THSD7B: variants seen among roughly 807,000 people sequenced by gnomAD.
THSD7B encodes the protein thrombospondin type-1 domain-containing protein 7B.
A neutral mutation model predicts 213.6 loss-of-function variants in THSD7B; 138 were observed. The ratio of observed to expected loss-of-function variants is 0.65; its 90% CI spans 0.56 to 0.74. The LOEUF (loss-of-function observed/expected upper bound fraction) is 0.74, where lower values mean the gene tolerates loss of function less well. Ranked by LOEUF, THSD7B falls within the 30% of genes least tolerant of loss-of-function variation. The probability of loss-of-function intolerance (pLI) is 0.00; values close to 1 mark genes in which losing one functional copy is unlikely to be tolerated. For missense variants in THSD7B, 1,931 were observed against 1,991.5 expected, an observed-to-expected ratio of 0.97 and a Z score of 0.58; for synonymous variants, 742 against 687.0, an observed-to-expected ratio of 1.08 and a Z score of -1.25.
At chr2:136,807,972 G>A (rs1420452977) in intron 1 of THSD7B, among the ~76,000 whole-genome samples, 1 of 152,184 alleles carries the variant, frequency 6.6e-6, no homozygotes, top group Non-Finnish European at 1.5e-5. Flanking sequence ...TAGTGGATAA[G>A]AGCTAGGACA....
intron 25 of THSD7B, among the ~76,000 whole-genome samples, chr2:137,660,176 G>A (rs1217063019): frequency 1.3e-5 from 2 of 151,582 alleles, no homozygotes; most frequent in East Asian, 3.9e-4. Context: ...CTGAATATGT[G>A]ACTATGGTTG....
chr2:137,649,047 A>G (rs1324053497), intron 21 of THSD7B, among the ~76,000 whole-genome samples: 1 of 152,034 alleles, frequency 6.6e-6, no homozygotes, highest in Non-Finnish European at 1.5e-5. Flanking sequence ...TTCATATGGC[A>G]GTTGGCTATT....
At chr2:137,315,897 TGTTA>T (rs1209819361) in intron 12 of THSD7B, among the ~76,000 whole-genome samples, 1 of 152,238 alleles carries the variant, frequency 6.6e-6, no homozygotes, top group Non-Finnish European at 1.5e-5. Context: ...GCTTTAATAT[TGTTA>T]GTTTGATGAT....
chr2:137,295,922 T>C (rs1222686400), intron 12 of THSD7B, among the ~76,000 whole-genome samples: 1 of 152,150 alleles, frequency 6.6e-6, no homozygotes, highest in Non-Finnish European at 1.5e-5. Flanking sequence ...TGCAAATCCA[T>C]ATCCTGTATG....
intron 2 of THSD7B, among the ~76,000 whole-genome samples, chr2:136,904,554 A>G (rs966863740): frequency 9.7e-5 from 14 of 143,830 alleles, no homozygotes; most frequent in African/African-American, 3.2e-4. Flanking sequence ...GTTCACCAGG[A>G]TTGGAAACAA....
intron 5 of THSD7B, among the ~76,000 whole-genome samples, chr2:137,116,890 G>A (rs569932806): frequency 7.2e-4 from 109 of 152,248 alleles, no homozygotes; most frequent in African/African-American, 2.6e-3. Flanking sequence ...CTAAAGAGGA[G>A]GAAAATGTCT....
rs59274578 is a variant in THSD7B at position 136,884,921 on chromosome 2, A to T, written c.139+2604A>T. ...ATTATTTTAAAGGTAAGCAATAATA[A>T]ATTGATTTAAGGAGTTATATCCCTA... On this transcript the variant is annotated intron_variant, in intron 2 of 27. Coordinates refer to ENST00000409968, the MANE Select transcript of THSD7B (RefSeq NM_001316349.2). Among the ~76,000 whole-genome samples, 1,445 of 152,266 alleles carry T rather than the reference A, an allele frequency of 9.5e-3. 32 individuals carry two copies. Among genetic ancestry groups the T allele is most frequent in the African/African-American group, 0.034 (1,393 of 41,548 alleles).
At chr2:136,830,551 AT>A (rs1242440571) in intron 1 of THSD7B, among the ~76,000 whole-genome samples, 3 of 152,116 alleles carry the variant, frequency 2.0e-5, no homozygotes, top group Admixed American at 1.3e-4. Flanking sequence ...TTGGAAATAG[AT>A]TTTCATGGGG....
At chr2:137,191,608 A>G (rs1464073951) in intron 7 of THSD7B, among the ~76,000 whole-genome samples, 2 of 152,012 alleles carry the variant, frequency 1.3e-5, no homozygotes, top group East Asian at 1.9e-4. Flanking sequence ...ACACTATTCC[A>G]TCAACCTGGA....
At chr2:137,235,853 A>G (rs145158769) in intron 9 of THSD7B, among the ~76,000 whole-genome samples, 1 of 152,200 alleles carries the variant, frequency 6.6e-6, no homozygotes. Context: ...AAGCATTGCT[A>G]ATGACTTTCT....
intron 20 of THSD7B, 63 bp downstream of exon 20, chr2:137,620,789 A>C: frequency 7.3e-7 from 1 of 1,363,644 alleles, no homozygotes; most frequent in Non-Finnish European, 1.0e-6. Flanking sequence ...TCAGTATGCC[A>C]TAGCTTGATA....
chr2:137,474,369 C>G (rs1212582091), intron 15 of THSD7B, among the ~76,000 whole-genome samples: 2 of 152,148 alleles, frequency 1.3e-5, no homozygotes, highest in Non-Finnish European at 1.5e-5. Context: ...TTGTCAAAGT[C>G]CACTCCCTTT....
chr2:136,916,426 C>T (rs1243744376), intron 2 of THSD7B, among the ~76,000 whole-genome samples: 1 of 152,202 alleles, frequency 6.6e-6, no homozygotes, highest in Non-Finnish European at 1.5e-5. Flanking sequence ...TGTGCATTCA[C>T]TCATTTCCTT....
intron 1 of THSD7B, among the ~76,000 whole-genome samples, chr2:136,866,224 A>G (rs928465016): frequency 4.6e-5 from 7 of 151,978 alleles, no homozygotes; most frequent in African/African-American, 1.5e-4. Context: ...GTTTGTCCTA[A>G]TGTATTTAGA....
At chr2:137,464,024 A>G (rs1412717262) in intron 15 of THSD7B, among the ~76,000 whole-genome samples, 1 of 151,990 alleles carries the variant, frequency 6.6e-6, no homozygotes, top group Admixed American at 6.6e-5. Context: ...ATCAGGGTTG[A>G]TGGCTCCTAT....
intron 2 of THSD7B, among the ~76,000 whole-genome samples, chr2:136,931,001 C>T (rs1402175563): frequency 1.3e-5 from 2 of 152,054 alleles, no homozygotes; most frequent in Admixed American, 6.6e-5. Context: ...AGTGCTTTCC[C>T]AGAACTTTTT....
At chr2:137,470,910 C>CTTTTTTTTTTTTTTTTTTTTTTTTTTTT (rs70978226) in intron 15 of THSD7B, among the ~76,000 whole-genome samples, 1 of 119,822 alleles carries the variant, frequency 8.3e-6, no homozygotes, top group Non-Finnish European at 1.7e-5. Flanking sequence ...TTTTTCTTTA[C>CTTTTTTTTTTTTTTTTTTTTTTTTTTTT]TTTTTTTTTT....
intron 12 of THSD7B, among the ~76,000 whole-genome samples, chr2:137,313,653 C>T (rs1341899863): frequency 1.3e-5 from 2 of 151,824 alleles, no homozygotes; most frequent in African/African-American, 2.4e-5. Context: ...ACTGGTTGTT[C>T]CTTTCCATGT....
In THSD7B at chr2:137,045,466, A is replaced by T. The variant is rs77872525; in HGVS notation, c.140-10954A>T. 3.5e-3 allele frequency among the ~76,000 whole-genome samples: 526 copies of T among 152,340 alleles called. 9 individuals carry two copies. In the East Asian group the frequency reaches 0.043, roughly 12 times the overall value. On this transcript the variant is annotated intron_variant, in intron 2 of 27. Transcript: ENST00000409968. ...ATCCCCAGGCAGAAACATAAGCAGG[A>T]CAAAGTGAGACCTCATCATATTATT... is the stretch of plus-strand genomic sequence containing the variant.
Sources: gnomAD v4.1 joint callset for allele counts (sites outside exome capture counted in the v4.1 genomes callset) on GRCh38, gnomAD v4.1.1 for gene constraint, MANE v1.5 for transcripts, NCBI Gene and HGNC (gene_info 2026-07-23, HGNC 2026-07-21) for gene names.